Variants in RAB1A observed in about 807,000 individuals in gnomAD.
RAB1A encodes RAB1A, member RAS oncogene family.
A neutral mutation model predicts 26.0 loss-of-function variants in RAB1A; 2 were observed. The observed-to-expected ratio is 0.08, with a 90% confidence interval of 0.03 to 0.24. The LOEUF is 0.24. Among genes scored for constraint, RAB1A ranks in the 10% least tolerant of loss-of-function variants. The pLI is 1.00. For missense variants in RAB1A, 100 were observed against 247.0 expected, an observed-to-expected ratio of 0.40 and a Z score of 3.99; for synonymous variants, 84 against 84.9, an observed-to-expected ratio of 0.99 and a Z score of 0.06.
At chr2:65,115,079 A>C (rs883927) in intron 1 of RAB1A, among the ~76,000 whole-genome samples, 7,272 of 152,202 alleles carry the variant, frequency 0.048, 566 homozygotes, top group African/African-American at 0.16. Context: ...ACACAGCACA[A>C]AGGGCAGAAC....
At chr2:65,093,048 C>T (rs1157686380) in intron 3 of RAB1A, among the ~76,000 whole-genome samples, 1 of 151,898 alleles carries the variant, frequency 6.6e-6, no homozygotes, top group African/African-American at 2.4e-5. Context: ...TCAATTAAAC[C>T]TTTTTTTTAA....
intron 2 of RAB1A, among the ~76,000 whole-genome samples, chr2:65,101,895 A>G (rs1440382422): frequency 6.6e-6 from 1 of 151,868 alleles, no homozygotes; most frequent in African/African-American, 2.4e-5. Flanking sequence ...GATTACAGGC[A>G]TGCGCCACCA....
At chr2:65,126,181 G>C (rs746858166) in intron 1 of RAB1A, among the ~76,000 whole-genome samples, 3 of 151,824 alleles carry the variant, frequency 2.0e-5, no homozygotes, top group Non-Finnish European at 4.4e-5. Context: ...GGTTATGGTG[G>C]CAAATGCCTG....
intron 3 of RAB1A, among the ~76,000 whole-genome samples, 199 bp downstream of exon 3, chr2:65,097,772 A>G (rs115606488): frequency 0.011 from 1,749 of 152,364 alleles, 42 homozygotes; most frequent in African/African-American, 0.041. Flanking sequence ...CATGAATAGA[A>G]AATTCAATGA....
At chr2:65,129,563 CAA>C (rs1670188980) in intron 1 of RAB1A, among the ~76,000 whole-genome samples, 1 of 151,336 alleles carries the variant, frequency 6.6e-6, no homozygotes, top group South Asian at 2.1e-4. Flanking sequence ...AGTCCTCCTT[CAA>C]AAGTCACTGC....
At chr2:65,123,303 T>G (rs557843089) in intron 1 of RAB1A, among the ~76,000 whole-genome samples, 51 of 151,414 alleles carry the variant, frequency 3.4e-4, no homozygotes, top group African/African-American at 1.2e-3. Flanking sequence ...CCCAAGTAGC[T>G]GGGACTACAG....
intron 1 of RAB1A, 39 bp from the exon 2 acceptor site, chr2:65,104,845 C>A: frequency 2.1e-6 from 3 of 1,446,226 alleles, no homozygotes; most frequent in Non-Finnish European, 2.9e-6. Context: ...ATAAAAAGCA[C>A]ACTGCATTGC....
At chr2:65,122,486 T>G (rs987747346) in intron 1 of RAB1A, among the ~76,000 whole-genome samples, 1 of 151,692 alleles carries the variant, frequency 6.6e-6, no homozygotes, top group African/African-American at 2.4e-5. Context: ...GAAACCCGGC[T>G]AGGAGTTGGA....
chr2:65,125,864 C>CTTTTTT (rs55930968), intron 1 of RAB1A, among the ~76,000 whole-genome samples: 1 of 74,736 alleles, frequency 1.3e-5, no homozygotes, highest in East Asian at 4.6e-4. Flanking sequence ...TTTCAATTGC[C>CTTTTTT]TTTTTTTTTT....
chr2:65,118,136 C>A (rs1186425242), intron 1 of RAB1A, among the ~76,000 whole-genome samples: 1 of 152,184 alleles, frequency 6.6e-6, no homozygotes, highest in Non-Finnish European at 1.5e-5. Flanking sequence ...GCTGCTGACC[C>A]CACTCAGACA....
intron 1 of RAB1A, among the ~76,000 whole-genome samples, chr2:65,114,928 C>A (rs76149594): frequency 1.3e-5 from 2 of 152,074 alleles, no homozygotes; most frequent in Admixed American, 6.5e-5. Flanking sequence ...AAGGGCTCTG[C>A]CCTCATGAAT....
At chr2:65,121,076 C>T (rs1397881540) in intron 1 of RAB1A, among the ~76,000 whole-genome samples, 1 of 151,550 alleles carries the variant, frequency 6.6e-6, no homozygotes, top group Non-Finnish European at 1.5e-5. Flanking sequence ...GGCAACATAG[C>T]GACATCTCAT....
chr2:65,103,186 G>A (rs1252972990), intron 2 of RAB1A, among the ~76,000 whole-genome samples: 1 of 150,128 alleles, frequency 6.7e-6, no homozygotes, highest in African/African-American at 2.4e-5. Flanking sequence ...GCATGATGGC[G>A]CATCCACTTG....
chr2:65,116,319 C>A lies in RAB1A; in HGVS notation c.24-11513G>T, dbSNP rs6546126. On this transcript the variant is annotated intron_variant, in intron 1 of 5. Coordinates refer to ENST00000409784, the MANE Select transcript of RAB1A (RefSeq NM_004161.5). Reference sequence around the variant, plus strand: ...TATTTGCTGAAAAACACACCAAGAACGGGGTGTCAACGTTCTCTACCTCCT... The same window carrying A: ...TATTTGCTGAAAAACACACCAAGAAAGGGGTGTCAACGTTCTCTACCTCCT... 3.7e-3 allele frequency among the ~76,000 whole-genome samples: 565 copies of A among 152,270 alleles called. 3 individuals are homozygous for A. Among genetic ancestry groups the A allele is most frequent in the African/African-American group, 0.013 (535 of 41,530 alleles).
chr2:65,122,154 TCAAAAAAAAAA>T (rs747049961), intron 1 of RAB1A, among the ~76,000 whole-genome samples: 77,039 of 115,340 alleles, frequency 0.67, 23,880 homozygotes, highest in Admixed American at 0.72. Context: ...AGACTCTATC[TCAAAAAAAAAA>T]AAAAAAAAAA....
intron 1 of RAB1A, among the ~76,000 whole-genome samples, chr2:65,109,542 A>AGTAGAGT (rs1669646127): frequency 7.6e-6 from 1 of 130,858 alleles, no homozygotes; most frequent in African/African-American, 3.8e-5. Flanking sequence ...CGTCTCTACT[A>AGTAGAGT]AAAAAAAAAA....
intron 2 of RAB1A, among the ~76,000 whole-genome samples, chr2:65,098,617 T>A (rs1196654714): frequency 6.6e-6 from 1 of 152,044 alleles, no homozygotes; most frequent in East Asian, 1.9e-4. Context: ...ATTCACAAGG[T>A]TGCAAACTAC....
chr2:65,115,019 C>A (rs1669793156), intron 1 of RAB1A, among the ~76,000 whole-genome samples: 2 of 152,314 alleles, frequency 1.3e-5, no homozygotes, highest in South Asian at 2.1e-4. Context: ...CCCCTTCTTG[C>A]TCTCTGTCTT....
chr2:65,123,693 G>C (rs1670025895), intron 1 of RAB1A, among the ~76,000 whole-genome samples: 2 of 151,824 alleles, frequency 1.3e-5, no homozygotes, highest in African/African-American at 4.8e-5. Context: ...GGGTGTGGTG[G>C]CACACACCTG....
Sources: allele counts gnomAD v4.1 joint callset (sites outside exome capture counted in the v4.1 genomes callset), GRCh38; gene constraint gnomAD v4.1.1; transcripts MANE v1.5; gene names NCBI Gene and HGNC (gene_info 2026-07-23, HGNC 2026-07-21).